Variants in GRPR observed in about 807,000 individuals in gnomAD.
GRPR encodes the protein gastrin releasing peptide receptor.
In GRPR, 4 loss-of-function variants were observed where a neutral mutation model predicts 15.6. The observed-to-expected ratio is 0.26, with a 90% CI of 0.13 to 0.59. The LOEUF is 0.59. Among genes scored for constraint, GRPR ranks in the 20% least tolerant of loss-of-function variants. GRPR has a pLI of 0.90. For missense variants in GRPR, 270 were observed against 304.1 expected (o/e 0.89, Z 0.83); for synonymous variants, 128 against 126.8 (o/e 1.01, Z -0.06).
rs1366834375 is a variant in GRPR at position 16,152,539 on chromosome X, GCAC to G, written c.1050_1052del (p.Thr351del). The G allele has an allele frequency of 8.3e-7, 1 of 1,207,844 alleles. No homozygotes were observed. The highest frequency in any genetic ancestry group is 1.1e-6 in the Non-Finnish European group (1 of 891,734). ...CCTGGCCTGATCATCCGGTCTCACA[GCAC>G]TGGAAGGAGTACAACCTGCATGACC... is the stretch of plus-strand genomic sequence containing the variant. On this transcript the variant is annotated inframe_deletion, in exon 3 of 3. Coordinates refer to ENST00000380289, the MANE Select transcript of GRPR (RefSeq NM_005314.3).
intron 1 of GRPR, among the ~76,000 whole-genome samples, chrX:16,138,053 T>C (rs1451304231): frequency 8.9e-6 from 1 of 111,940 alleles, no homozygotes; most frequent in Admixed American, 9.5e-5. Context: ...AACTCTTGTG[T>C]ACCTAGCATA....
At chrX:16,126,353 T>G (rs1352764205) in intron 1 of GRPR, among the ~76,000 whole-genome samples, 1 of 112,227 alleles carries the variant, frequency 8.9e-6, no homozygotes, top group Non-Finnish European at 1.9e-5. Context: ...AAGACTGTAC[T>G]TTTTTTCTAT....
At chrX:16,143,079 T>C (rs1373190498) in intron 1 of GRPR, among the ~76,000 whole-genome samples, 1 of 110,711 alleles carries the variant, frequency 9.0e-6, no homozygotes, top group Admixed American at 9.7e-5. Context: ...GCATTCCTGC[T>C]CATGTCTGAC....
intron 1 of GRPR, among the ~76,000 whole-genome samples, chrX:16,148,476 G>A (rs998627377): frequency 9.0e-5 from 10 of 111,331 alleles, no homozygotes; most frequent in African/African-American, 3.3e-4. Flanking sequence ...GCAGCCAAGA[G>A]TGGTAAACCA....
chrX:16,150,466 C>A lies in GRPR; in HGVS notation c.575C>A (p.Thr192Asn). 3.3e-6 allele frequency: 4 copies of A among 1,209,755 alleles called. No individual in the cohort carries two copies. Among genetic ancestry groups the A allele is most frequent in the Middle Eastern group, 2.3e-4 (1 of 4,346 alleles). Residue 192 changes from threonine to asparagine, a missense_variant, in exon 2 of 3, where the codon ACC becomes AAC. This residue lies in a region of GRPR where 22 missense variants were observed against 51.9 expected (regional missense o/e 0.42). Transcript: ENST00000380289. Reference sequence around the variant, plus strand: ...TTCCATGAGGAAAGCACCAACCAGACCTTCATTAGCTGTGCCCCATACCCA... The same window carrying A: ...TTCCATGAGGAAAGCACCAACCAGAACTTCATTAGCTGTGCCCCATACCCA... The part of the protein sequence containing the change: ...HPFHEESTNQ[T>N]FISCAPYPHS...
At chrX:16,138,820 A>G (rs900032410) in intron 1 of GRPR, among the ~76,000 whole-genome samples, 7 of 112,182 alleles carry the variant, frequency 6.2e-5, no homozygotes, top group African/African-American at 1.9e-4. Context: ...CTGTGCAACT[A>G]TCACTGTCAT....
chrX:16,149,708 G>A (rs900972846), intron 1 of GRPR, among the ~76,000 whole-genome samples: 4 of 105,190 alleles, frequency 3.8e-5, no homozygotes, highest in Admixed American at 3.1e-4. Flanking sequence ...CTAGCAACAT[G>A]CCTTGTTATT....
At chrX:16,124,528 A>G (rs931597216) in intron 1 of GRPR, among the ~76,000 whole-genome samples, 162 bp downstream of exon 1, 1 of 111,436 alleles carries the variant, frequency 9.0e-6, no homozygotes, top group African/African-American at 3.3e-5. Context: ...TCTTGAGTGT[A>G]ACATATTGGT....
At chrX:16,129,090 A>G (rs1314773658) in intron 1 of GRPR, among the ~76,000 whole-genome samples, 1 of 112,450 alleles carries the variant, frequency 8.9e-6, no homozygotes, top group African/African-American at 3.2e-5. Context: ...CTAAGGACAG[A>G]TGGATATGGC....
At chrX:16,128,326 A>C (rs1237602) in intron 1 of GRPR, among the ~76,000 whole-genome samples, 2 of 111,316 alleles carry the variant, frequency 1.8e-5, no homozygotes, top group Non-Finnish European at 3.8e-5. Context: ...ACCAGCCTGG[A>C]CAACATGGTG....
intron 1 of GRPR, among the ~76,000 whole-genome samples, chrX:16,139,391 GC>G (rs1311084673): frequency 1.8e-5 from 2 of 111,260 alleles, no homozygotes; most frequent in East Asian, 2.8e-4. Context: ...ACCACCTGCG[GC>G]CCGGGATGGC....
intron 1 of GRPR, among the ~76,000 whole-genome samples, chrX:16,128,289 T>C (rs1384229805): frequency 9.0e-6 from 1 of 111,599 alleles, no homozygotes; most frequent in Non-Finnish European, 1.9e-5. Context: ...CCAAGGTGGG[T>C]GGATCACTTG....
chrX:16,139,710 G>A (rs971486482), intron 1 of GRPR, among the ~76,000 whole-genome samples: 1 of 111,970 alleles, frequency 8.9e-6, no homozygotes, highest in Non-Finnish European at 1.9e-5. Context: ...GCAGTTTAAA[G>A]TATGGACTCA....
intron 1 of GRPR, among the ~76,000 whole-genome samples, chrX:16,135,869 A>G (rs1922440610): frequency 8.9e-6 from 1 of 112,252 alleles, no homozygotes; most frequent in Non-Finnish European, 1.9e-5. Context: ...TACACTTTAA[A>G]TGTTTGGAAA....
At chrX:16,126,283 A>G (rs1033209125) in intron 1 of GRPR, among the ~76,000 whole-genome samples, 2 of 112,275 alleles carry the variant, frequency 1.8e-5, no homozygotes, top group African/African-American at 6.5e-5. Flanking sequence ...GATCACCTGA[A>G]TCACAGGTAG....
At chrX:16,137,674 C>G (rs1922470520) in intron 1 of GRPR, among the ~76,000 whole-genome samples, 1 of 111,376 alleles carries the variant, frequency 9.0e-6, no homozygotes, top group African/African-American at 3.3e-5. Context: ...AGTGTTTTGG[C>G]TCTAGGAGAT....
intron 1 of GRPR, among the ~76,000 whole-genome samples, chrX:16,142,813 A>T (rs141054317): frequency 9.1e-6 from 1 of 109,794 alleles, no homozygotes; most frequent in Admixed American, 9.8e-5. Flanking sequence ...GAGTAGACTG[A>T]CAAGGTCCAG....
At chrX:16,147,409 G>C (rs1258262706) in intron 1 of GRPR, among the ~76,000 whole-genome samples, 1 of 111,487 alleles carries the variant, frequency 9.0e-6, no homozygotes, top group Non-Finnish European at 1.9e-5. Context: ...CCTACACGTT[G>C]CATTTGGTTG....
chrX:16,128,963 A>T (rs183287149), intron 1 of GRPR, among the ~76,000 whole-genome samples: 2 of 112,315 alleles, frequency 1.8e-5, no homozygotes, highest in Admixed American at 1.9e-4. Context: ...CAGTAAGTGT[A>T]AGGTTTAAAG....
Sources: gnomAD v4.1 joint callset for allele counts (sites outside exome capture counted in the v4.1 genomes callset) on GRCh38, gnomAD v4.1.1 for gene constraint, gnomAD v4.1.1 regional missense constraint, MANE v1.5 for transcripts, NCBI Gene and HGNC (gene_info 2026-07-23, HGNC 2026-07-21) for gene names.